STK31: variants seen among roughly 807,000 people sequenced by gnomAD.
STK31 encodes the protein serine/threonine kinase 31.
A neutral mutation model predicts 129.7 loss-of-function variants in STK31; 89 were observed. The ratio of observed to expected loss-of-function variants is 0.69; its 90% confidence interval spans 0.58 to 0.82. The LOEUF (loss-of-function observed/expected upper bound fraction) is 0.82. Among genes scored for constraint, STK31 ranks in the 40% least tolerant of loss-of-function variants. The probability of loss-of-function intolerance (pLI) is 0.00; values close to 1 mark genes in which losing one functional copy is unlikely to be tolerated. For missense variants in STK31, 1,187 were observed against 1,176.4 expected (o/e 1.01, Z -0.13); for synonymous variants, 448 against 395.3 (o/e 1.13, Z -1.58).
intron 15 of STK31, among the ~76,000 whole-genome samples, chr7:23,778,266 A>C (rs1332835446): frequency 6.6e-6 from 1 of 152,068 alleles, no homozygotes; most frequent in African/African-American, 2.4e-5. Context: ...GCTTCCCTTA[A>C]CATTTTTTCC....
rs756500462 is a variant in STK31 at position 23,785,577 on chromosome 7, GT to G, written c.2250del (p.Asn751MetfsTer4). On this transcript the variant is annotated frameshift_variant, in exon 18 of 24. Coordinates refer to ENST00000355870, the MANE Select transcript of STK31 (RefSeq NM_031414.5). LOFTEE classifies it high-confidence loss of function. ...SSKRPLVRSE[V>X]NGQIILLKGY... ...CAAGCGTCCTTTGGTACGTTCTGAG[GT>G]TAATGGGCAGATAATTCTGTTAAAG... The G allele has an allele frequency of 6.2e-7, 1 of 1,613,496 alleles. No individual in the cohort carries two copies. Among genetic ancestry groups the G allele is most frequent in the Non-Finnish European group, 8.5e-7 (1 of 1,179,700 alleles).
intron 20 of STK31, among the ~76,000 whole-genome samples, 197 bp from the exon 21 acceptor site, chr7:23,787,767 CACACACACACACACAA>C (rs941896525): frequency 4.0e-5 from 6 of 151,112 alleles, no homozygotes; most frequent in African/African-American, 9.8e-5. Flanking sequence ...CACACACACA[CACACACACACACACAA>C]ACACACACAG....
chr7:23,730,878 A>ATATATATATATATATATT, intron 6 of STK31, among the ~76,000 whole-genome samples: 2 of 59,540 alleles, frequency 3.4e-5, no homozygotes, highest in Admixed American at 2.7e-4. Flanking sequence ...ATATATATAT[A>ATATATATATATATATATT]TTTTTTTTTT....
intron 4 of STK31, among the ~76,000 whole-genome samples, chr7:23,717,986 A>G (rs1043953234): frequency 6.6e-6 from 1 of 152,180 alleles, no homozygotes; most frequent in Non-Finnish European, 1.5e-5. Context: ...GTTTTACAAC[A>G]TGAAAAGAGC....
At chr7:23,730,878 A>ATATATATATATATATATATATTTTTTTTT in intron 6 of STK31, among the ~76,000 whole-genome samples, 22 of 59,518 alleles carry the variant, frequency 3.7e-4, no homozygotes, top group Non-Finnish European at 5.2e-4. Context: ...ATATATATAT[A>ATATATATATATATATATATATTTTTTTTT]TTTTTTTTTT....
At chr7:23,740,634 A>C (rs1788001310) in intron 8 of STK31, among the ~76,000 whole-genome samples, 2 of 148,880 alleles carry the variant, frequency 1.3e-5, no homozygotes, top group Non-Finnish European at 3.0e-5. Flanking sequence ...TCCTAATGCT[A>C]TCCTTCACCA....
At chr7:23,753,941 G>A (rs1179144854) in intron 9 of STK31, among the ~76,000 whole-genome samples, 3 of 152,002 alleles carry the variant, frequency 2.0e-5, no homozygotes, top group Admixed American at 2.0e-4. Flanking sequence ...TTTTCTCTTA[G>A]ACATTGTAAA....
chr7:23,728,072 CTTTTTTTTTTTTTT>C (rs56355518), intron 5 of STK31, among the ~76,000 whole-genome samples: 33 of 68,264 alleles, frequency 4.8e-4, no homozygotes, highest in African/African-American at 1.7e-3. Context: ...TTGTGTTAAG[CTTTTTTTTTTTTTT>C]TTTTTTTTTT....
intron 23 of STK31, among the ~76,000 whole-genome samples, chr7:23,831,368 T>C (rs567023083): frequency 2.0e-5 from 3 of 152,190 alleles, no homozygotes; most frequent in Admixed American, 6.5e-5. Flanking sequence ...TGACCTTCTT[T>C]GTCACTTTTT....
chr7:23,783,418 C>A lies in STK31; in HGVS notation c.2068-165C>A, dbSNP rs1028980844. On this transcript the variant is annotated intron_variant, in intron 16 of 23. Transcript: ENST00000355870. ...TTGCTTTAGCAGATGCAAGGTGAGTCGTGGTTTTCACTTGTTATTTCTTGA... is the reference window on the plus strand; with the variant it reads ...TTGCTTTAGCAGATGCAAGGTGAGTAGTGGTTTTCACTTGTTATTTCTTGA... Among the ~76,000 whole-genome samples, 6 of 152,034 alleles carry A rather than the reference C, an allele frequency of 3.9e-5. No individual in the cohort carries two copies. In the East Asian group the frequency reaches 9.6e-4, roughly 24 times the overall value.
intron 4 of STK31, chr7:23,721,307 C>G: frequency 1.5e-6 from 1 of 650,836 alleles, no homozygotes; most frequent in Non-Finnish European, 2.7e-6. Context: ...TTGATCTAAA[C>G]TATTTGTCTC....
Position 23,832,435 on chromosome 7 carries a change from A to G in STK31, c.*69A>G, listed in dbSNP as rs1794618791. 4.4e-6 allele frequency: 5 copies of G among 1,132,052 alleles called. No individual in the cohort carries two copies. Among genetic ancestry groups the G allele is most frequent in the Non-Finnish European group, 6.4e-6 (5 of 779,450 alleles). 70.1% of individuals were successfully genotyped at this position (1,132,052 alleles called of 1,614,324 possible). ...GTTTGGTTAATACACAGAAATATCTAGAAATGTTCTGGGACTAGTTGAGTT... is the reference window on the plus strand; with the variant it reads ...GTTTGGTTAATACACAGAAATATCTGGAAATGTTCTGGGACTAGTTGAGTT... On this transcript the variant is annotated 3_prime_UTR_variant, in exon 24 of 24. Transcript: ENST00000355870.
intron 22 of STK31, among the ~76,000 whole-genome samples, chr7:23,806,637 A>C (rs371697304): frequency 6.6e-5 from 10 of 152,182 alleles, no homozygotes; most frequent in African/African-American, 2.4e-4. Context: ...GCGGTGGCTC[A>C]CGCCAGTAAT....
intron 4 of STK31, among the ~76,000 whole-genome samples, chr7:23,718,719 A>G (rs1237159766): frequency 6.6e-6 from 1 of 152,138 alleles, no homozygotes; most frequent in Non-Finnish European, 1.5e-5. Context: ...TTGTATAAAT[A>G]TAACACAATT....
chr7:23,729,380 T>A, intron 6 of STK31, 131 bp downstream of exon 6: 1 of 790,434 alleles, frequency 1.3e-6, no homozygotes, highest in East Asian at 3.0e-5. Flanking sequence ...GAATTATAAT[T>A]AGAAAGCAAT....
intron 11 of STK31, among the ~76,000 whole-genome samples, chr7:23,766,577 A>C (rs374765088): frequency 6.6e-6 from 1 of 152,134 alleles, no homozygotes; most frequent in African/African-American, 2.4e-5. Context: ...AATTGTTATC[A>C]GTCTAATCTT....
At chr7:23,739,886 A>G (rs1464872230) in intron 8 of STK31, among the ~76,000 whole-genome samples, 1 of 152,102 alleles carries the variant, frequency 6.6e-6, no homozygotes, top group Non-Finnish European at 1.5e-5. Flanking sequence ...GCCTTGTAGT[A>G]TAGTTTGAAG....
Position 23,762,951 on chromosome 7 carries a change from C to T in STK31, c.1416+28C>T, listed in dbSNP as rs373376679. On this transcript the variant is annotated intron_variant, in intron 11 of 23. Coordinates refer to ENST00000355870, the MANE Select transcript of STK31 (RefSeq NM_031414.5). ...TGGAATTAAAAATATATTAAATATA[C>T]GTTAAATTGTAAGTTTATTTAAGAA... 98 of 1,497,080 alleles carry T rather than the reference C, an allele frequency of 6.5e-5. No homozygotes were observed. In the African/African-American group the frequency reaches 9.2e-4, roughly 14 times the overall value. The allele number at this position is 1,497,080 out of a possible 1,614,324, so 92.7% of individuals were successfully genotyped here. A position where few individuals can be genotyped will look rare whatever the true frequency, so the allele number is the denominator to read the frequency against.
intron 14 of STK31, chr7:23,771,705 A>T (rs11982297): frequency 2.6e-5 from 4 of 154,220 alleles, no homozygotes; most frequent in African/African-American, 9.7e-5. Context: ...AACACTGTAC[A>T]TATGTTTGTG....
Sources: allele counts gnomAD v4.1 joint callset (sites outside exome capture counted in the v4.1 genomes callset), GRCh38; gene constraint gnomAD v4.1.1; transcripts MANE v1.5; gene names NCBI Gene and HGNC (gene_info 2026-07-23, HGNC 2026-07-21).